The following LRRK2 variants were observed in gnomAD, a reference collection of about 807,000 sequenced individuals.
LRRK2 encodes the protein leucine rich repeat kinase 2, also known as leucine-rich repeat serine/threonine-protein kinase 2.
LRRK2 carries 203 observed loss-of-function variants against 302.6 expected under a neutral mutation model. The observed-to-expected ratio is 0.67, with a 90% CI of 0.60 to 0.75. The LOEUF (loss-of-function observed/expected upper bound fraction) is 0.75. Among genes scored for constraint, LRRK2 ranks in the 30% least tolerant of loss-of-function variants. LRRK2 has a pLI of 0.00. For missense variants in LRRK2, 2,830 were observed against 2,951.0 expected (o/e 0.96, Z 0.95); for synonymous variants, 1,066 against 1,031.9 (o/e 1.03, Z -0.63).
In LRRK2 at chr12:40,237,976, C is replaced by T; in HGVS notation, c.444C>T (p.Ile148=). The T allele has an allele frequency of 1.2e-6, 2 of 1,611,386 alleles. No individual in the cohort carries two copies. Among genetic ancestry groups the T allele is most frequent in the Non-Finnish European group, 1.7e-6 (2 of 1,178,370 alleles). ...TTATTCTCTTTAAAATAGGTAAAAT[C>T]ACCTTGCTGATATTGGATGAAGAAA... is the stretch of plus-strand genomic sequence containing the variant. ...TLDLLLTSGK[I]TLLILDEESD... The change falls in exon 5 of 51, where the codon ATC becomes ATT. Residue 148 remains isoleucine, a synonymous_variant. Transcript: ENST00000298910.
chr12:40,340,668 A>G, intron 41 of LRRK2, among the ~76,000 whole-genome samples: 1 of 152,260 alleles, frequency 6.6e-6, no homozygotes, highest in East Asian at 1.9e-4. Context: ...CAAAAACTGA[A>G]TAAAAAGAAG....
intron 2 of LRRK2, among the ~76,000 whole-genome samples, chr12:40,225,960 T>A (rs1459024262): frequency 6.6e-6 from 1 of 152,164 alleles, no homozygotes; most frequent in Non-Finnish European, 1.5e-5. Flanking sequence ...GTGTTTAGAC[T>A]TGACTATTCC....
chr12:40,297,277 A>G (rs1245807585), intron 23 of LRRK2, among the ~76,000 whole-genome samples: 2 of 152,226 alleles, frequency 1.3e-5, no homozygotes, highest in African/African-American at 4.8e-5. Flanking sequence ...ATTGGAAGAG[A>G]CTGTGACAAG....
At chr12:40,291,124 T>G (rs1944130741) in intron 20 of LRRK2, among the ~76,000 whole-genome samples, 1 of 151,960 alleles carries the variant, frequency 6.6e-6, no homozygotes, top group African/African-American at 2.4e-5. Context: ...TTCATGTCCT[T>G]TGTAGGGACA....
At chr12:40,266,869 C>T (rs1030756578) in intron 14 of LRRK2, among the ~76,000 whole-genome samples, 6 of 151,184 alleles carry the variant, frequency 4.0e-5, no homozygotes, top group African/African-American at 1.5e-4. Flanking sequence ...GGATGGTACT[C>T]AGCAAAGTAT....
At chr12:40,250,031 A>C in intron 8 of LRRK2, 86 bp downstream of exon 8, 1 of 1,526,438 alleles carries the variant, frequency 6.6e-7, no homozygotes, top group South Asian at 1.2e-5. Context: ...ATATGTACAG[A>C]TGGAAGCATT....
At chr12:40,227,314 G>A (rs898442741) in intron 2 of LRRK2, among the ~76,000 whole-genome samples, 1 of 152,132 alleles carries the variant, frequency 6.6e-6, no homozygotes, top group Non-Finnish European at 1.5e-5. Flanking sequence ...TGTTGGCAAC[G>A]TTGCAATTTC....
chr12:40,228,493 T>G (rs578152077), intron 2 of LRRK2, among the ~76,000 whole-genome samples: 23 of 149,050 alleles, frequency 1.5e-4, no homozygotes, highest in Non-Finnish European at 3.3e-4. Context: ...GTATTCTGGT[T>G]GTTAATCTTT....
At chr12:40,359,972 C>T (rs11836288) in intron 47 of LRRK2, among the ~76,000 whole-genome samples, 9,748 of 152,168 alleles carry the variant, frequency 0.064, 425 homozygotes, top group Admixed American at 0.13. Flanking sequence ...TTAATATAAA[C>T]CTCTTTCAAG....
Position 40,367,072 on chromosome 12 carries a change from A to T in LRRK2, c.7457A>T (p.Gln2486Leu), listed in dbSNP as rs769205060. The part of the protein sequence containing the change: ...NRKNTEGTQK[Q>L]KEIQSCLTVW... The stretch of plus-strand genomic sequence containing the variant: ...AAAAATACTGAAGGTACACAAAAGC[A>T]GAAAGGTAACATTTAGAAGGATACT... Residue 2486 changes from glutamine to leucine, a missense_variant, in exon 50 of 51, where the codon CAG (glutamine) becomes CTG (leucine). This residue lies in a region of LRRK2 where 456 missense variants were observed against 456.3 expected (regional missense o/e 1.00). Transcript: ENST00000298910. 1 of 1,607,896 alleles carries T rather than the reference A, an allele frequency of 6.2e-7. No homozygotes were observed. The highest frequency in any genetic ancestry group is 1.7e-5 in the Admixed American group (1 of 59,696).
In LRRK2 at chr12:40,278,021, A is replaced by G. The variant is rs201908677; in HGVS notation, c.2070+5A>G. ...ATGGAACAAAAGGATCAACAGGTAC[A>G]GTGTTTTTCACTTGCATCCTAAATG... On this transcript the variant is annotated splice_donor_5th_base_variant and intron_variant, in intron 17 of 50. Transcript: ENST00000298910. 2.1e-5 allele frequency: 34 copies of G among 1,613,720 alleles called. No homozygotes were observed. The African/African-American group carries it at 3.9e-4, about 18-fold the overall frequency.
At chr12:40,272,306 A>G (rs1943264484) in intron 14 of LRRK2, among the ~76,000 whole-genome samples, 2 of 152,192 alleles carry the variant, frequency 1.3e-5, no homozygotes. Flanking sequence ...TTGGCCTTGA[A>G]TATCTGAATT....
rs1941248895 is a variant in LRRK2 at position 40,232,482 on chromosome 12, C to T, written c.347+99C>T. The stretch of plus-strand genomic sequence containing the variant: ...ACTGTGTTTGCAATCCAAGGCTACT[C>T]CTGTGGAATTCTTTAAAATACAGAT... On this transcript the variant is annotated intron_variant, in intron 3 of 50. Coordinates refer to ENST00000298910, the MANE Select transcript of LRRK2 (RefSeq NM_198578.4). The T allele has an allele frequency of 5.7e-6, 5 of 875,740 alleles. No individual in the cohort carries two copies. In the South Asian group the frequency reaches 6.9e-5, roughly 12 times the overall value. The allele number at this position is 875,740 out of a possible 1,614,324, so 54.2% of individuals were successfully genotyped here.
At chr12:40,356,881 T>C (rs1946556943) in intron 46 of LRRK2, among the ~76,000 whole-genome samples, 1 of 152,232 alleles carries the variant, frequency 6.6e-6, no homozygotes, top group Non-Finnish European at 1.5e-5. Context: ...GCATAGAATG[T>C]GTAATGATCA....
intron 25 of LRRK2, among the ~76,000 whole-genome samples, chr12:40,299,517 A>T (rs1944542063): frequency 6.6e-6 from 1 of 152,186 alleles, no homozygotes; most frequent in South Asian, 2.1e-4. Flanking sequence ...TCCCAACTAT[A>T]AGACATTCTG....
intron 50 of LRRK2, chr12:40,367,326 T>A: frequency 2.2e-6 from 1 of 457,622 alleles, no homozygotes; most frequent in East Asian, 3.9e-5. Context: ...GAAATGTGAA[T>A]ATTTTTTACA....
At chr12:40,282,070 C>CTTCCT in intron 18 of LRRK2, among the ~76,000 whole-genome samples, 1 of 37,358 alleles carries the variant, frequency 2.7e-5, no homozygotes, top group Non-Finnish European at 5.1e-5. Context: ...CTTCCCTTCC[C>CTTCCT]TTCCCTTCCC....
At chr12:40,328,502 T>C (rs1202609077) in intron 39 of LRRK2, 42 bp downstream of exon 39, 7 of 1,406,798 alleles carry the variant, frequency 5.0e-6, no homozygotes, top group Non-Finnish European at 6.9e-6. Context: ...TTGCACATTA[T>C]TAATCTACTG....
chr12:40,281,632 A>G (rs1367212053), intron 18 of LRRK2, among the ~76,000 whole-genome samples: 8 of 152,248 alleles, frequency 5.3e-5, no homozygotes, highest in Non-Finnish European at 1.2e-4. Context: ...TGAATATTCT[A>G]AAGAGAATGA....
Sources: gnomAD v4.1 joint callset for allele counts (sites outside exome capture counted in the v4.1 genomes callset) on GRCh38, gnomAD v4.1.1 for gene constraint, gnomAD v4.1.1 regional missense constraint, MANE v1.5 for transcripts, NCBI Gene and HGNC (gene_info 2026-07-23, HGNC 2026-07-21) for gene names.